The following MAPKAP1 variants were observed in gnomAD, a reference collection of about 807,000 sequenced individuals.
The protein encoded by MAPKAP1 is MAPK associated protein 1.
MAPKAP1 carries 20 observed loss-of-function variants against 65.7 expected under a neutral mutation model. The ratio of observed to expected loss-of-function variants is 0.30; its 90% CI spans 0.21 to 0.44. MAPKAP1 has a LOEUF of 0.44. Ranked by LOEUF, MAPKAP1 falls within the 20% of genes least tolerant of loss-of-function variation. MAPKAP1 has a pLI of 1.00. For missense variants in MAPKAP1, 423 were observed against 648.0 expected (o/e 0.65, Z 3.77); for synonymous variants, 222 against 244.3 (o/e 0.91, Z 0.85).
intron 6 of MAPKAP1, among the ~76,000 whole-genome samples, chr9:125,548,006 A>G (rs918444766): frequency 1.3e-5 from 2 of 152,210 alleles, no homozygotes; most frequent in Non-Finnish European, 2.9e-5. Context: ...TTTAACAATT[A>G]TAACAGCAAC....
intron 10 of MAPKAP1, among the ~76,000 whole-genome samples, chr9:125,464,784 T>C (rs1458243493): frequency 2.0e-5 from 3 of 152,204 alleles, no homozygotes; most frequent in Non-Finnish European, 4.4e-5. Context: ...CTGCAGCCGC[T>C]CAAATGCTCA....
chr9:125,595,438 C>T lies in MAPKAP1; in HGVS notation c.499-9711G>A. On this transcript the variant is annotated intron_variant, in intron 4 of 11. Coordinates refer to ENST00000265960, the MANE Select transcript of MAPKAP1 (RefSeq NM_001006617.3). The surrounding 1 kb of genome is among the most constrained non-coding windows in gnomAD (Gnocchi z 4.0). ...TAAAACATTATCTAGAGCAGCTTTT[C>T]TCAGCTGATCCTATTAATTAAAATA... 1.3e-6 allele frequency: 1 copy of T among 740,926 alleles called. No homozygotes were observed. The highest frequency in any genetic ancestry group is 1.7e-6 in the Non-Finnish European group (1 of 594,850). The allele number at this position is 740,926 out of a possible 1,614,324, so 45.9% of individuals were successfully genotyped here. A position where few individuals can be genotyped will look rare whatever the true frequency, so the allele number is the denominator to read the frequency against.
chr9:125,519,723 A>T (rs1829567826), intron 7 of MAPKAP1, among the ~76,000 whole-genome samples: 1 of 151,520 alleles, frequency 6.6e-6, no homozygotes, highest in Non-Finnish European at 1.5e-5. Context: ...CCACAACTGC[A>T]GACCAAGGGT....
chr9:125,489,294 G>A (rs962403372), intron 8 of MAPKAP1, among the ~76,000 whole-genome samples: 1 of 152,014 alleles, frequency 6.6e-6, no homozygotes, highest in African/African-American at 2.4e-5. Context: ...GCCACACTGT[G>A]TTCATCTACA....
chr9:125,653,686 C>T (rs758002474), intron 4 of MAPKAP1, among the ~76,000 whole-genome samples: 7 of 152,152 alleles, frequency 4.6e-5, no homozygotes, highest in Non-Finnish European at 8.8e-5. Flanking sequence ...GAAGTCACAC[C>T]GTAAGTGGAG....
intron 11 of MAPKAP1, among the ~76,000 whole-genome samples, chr9:125,443,911 G>A (rs1042821294): frequency 6.6e-6 from 1 of 152,036 alleles, no homozygotes; most frequent in Non-Finnish European, 1.5e-5. Context: ...CGATCTCTTT[G>A]TAATTTTGTG....
chr9:125,460,221 G>A (rs911037469), intron 10 of MAPKAP1, among the ~76,000 whole-genome samples: 4 of 151,878 alleles, frequency 2.6e-5, no homozygotes, highest in African/African-American at 9.7e-5. Context: ...ATTTTACCTA[G>A]GCAATTGTTT....
chr9:125,487,697 C>A (rs545855782), intron 8 of MAPKAP1, among the ~76,000 whole-genome samples: 1 of 150,090 alleles, frequency 6.7e-6, no homozygotes, highest in East Asian at 1.9e-4. Flanking sequence ...ATTACTATAA[C>A]GTGACATATA....
chr9:125,588,072 C>T (rs1464720714), intron 4 of MAPKAP1, among the ~76,000 whole-genome samples: 1 of 152,168 alleles, frequency 6.6e-6, no homozygotes, highest in Non-Finnish European at 1.5e-5. Flanking sequence ...TAGGTATATA[C>T]TCTAGAGAAC....
chr9:125,571,065 T>A (rs1831215105), intron 5 of MAPKAP1, among the ~76,000 whole-genome samples: 1 of 152,234 alleles, frequency 6.6e-6, no homozygotes, highest in Admixed American at 6.5e-5. Flanking sequence ...AGGTGAAATC[T>A]GGCTTATTTG....
chr9:125,576,584 T>C (rs1831408013), intron 5 of MAPKAP1, among the ~76,000 whole-genome samples: 1 of 152,228 alleles, frequency 6.6e-6, no homozygotes, highest in Non-Finnish European at 1.5e-5. Context: ...AGCTGGACTG[T>C]ACTGCTGCCA....
chr9:125,515,634 C>A (rs961677385), intron 7 of MAPKAP1, among the ~76,000 whole-genome samples: 2 of 152,228 alleles, frequency 1.3e-5, no homozygotes, highest in Non-Finnish European at 2.9e-5. Context: ...GGCAAAAAAT[C>A]GTAACTAAAT....
chr9:125,652,210 T>C (rs774356098), intron 4 of MAPKAP1: 18 of 1,316,338 alleles, frequency 1.4e-5, no homozygotes, highest in Non-Finnish European at 1.7e-5. Flanking sequence ...ATGCCAATGA[T>C]TGTAGAAAAC....
At chr9:125,578,413 C>A (rs1253210110) in intron 5 of MAPKAP1, among the ~76,000 whole-genome samples, 1 of 150,450 alleles carries the variant, frequency 6.6e-6, no homozygotes, top group Non-Finnish European at 1.5e-5. Flanking sequence ...CGAGAAACAC[C>A]CAAGAATGAT....
intron 3 of MAPKAP1, among the ~76,000 whole-genome samples, chr9:125,662,272 C>T (rs1158796250): frequency 6.6e-6 from 1 of 152,060 alleles, no homozygotes; most frequent in Non-Finnish European, 1.5e-5. Context: ...GTCCCAGCTG[C>T]TTGGGAGGCT....
At chr9:125,501,955 C>G (rs1328535691) in intron 8 of MAPKAP1, among the ~76,000 whole-genome samples, 1 of 152,078 alleles carries the variant, frequency 6.6e-6, no homozygotes, top group African/African-American at 2.4e-5. Context: ...TTTCAAAGAA[C>G]CAACTCTTGA....
chr9:125,568,771 AG>A (rs1831139765), intron 5 of MAPKAP1: 1 of 155,368 alleles, frequency 6.4e-6, no homozygotes, highest in Non-Finnish European at 1.4e-5. Flanking sequence ...CTTGGCCCCC[AG>A]GGCAATGGTG....
chr9:125,647,506 TCTA>T (rs1279861114), intron 4 of MAPKAP1, among the ~76,000 whole-genome samples: 1 of 152,226 alleles, frequency 6.6e-6, no homozygotes, highest in Non-Finnish European at 1.5e-5. Flanking sequence ...ACAGTATTCA[TCTA>T]CTATTCATCT....
rs76185860 is a variant in MAPKAP1, at chr9:125,622,094, T to C, written c.498+35557A>G. ...GGGAGCTTAAAAAAACTGGGGCTCA[T>C]GGAAGTGGAGAGTAGAATTGTGGGT... On this transcript the variant is annotated intron_variant, in intron 4 of 11. Transcript: ENST00000265960. 4.3e-3 allele frequency among the ~76,000 whole-genome samples: 657 copies of C among 152,178 alleles called. 6 individuals are homozygous for C. The highest frequency in any genetic ancestry group is 0.015 in the African/African-American group (615 of 41,528).
Sources: gnomAD v4.1 joint callset for allele counts (sites outside exome capture counted in the v4.1 genomes callset) on GRCh38, gnomAD v4.1.1 for gene constraint, Gnocchi (gnomAD v3.1) non-coding constraint, MANE v1.5 for transcripts, NCBI Gene and HGNC (gene_info 2026-07-23, HGNC 2026-07-21) for gene names.